PIK3R5: variants seen among roughly 807,000 people sequenced by gnomAD.
PIK3R5 encodes phosphoinositide 3-kinase regulatory subunit 5.
Under a neutral mutation model 94.9 loss-of-function variants are expected in PIK3R5, and 32 were observed. The ratio of observed to expected loss-of-function variants is 0.34; its 90% CI spans 0.25 to 0.45. The LOEUF is 0.45. Ranked by LOEUF, PIK3R5 falls within the 20% of genes least tolerant of loss-of-function variation. The probability of loss-of-function intolerance (pLI) is 1.00; values close to 1 mark genes in which losing one functional copy is unlikely to be tolerated. For missense variants in PIK3R5, 853 were observed against 1,144.6 expected (o/e 0.75, Z 3.68); for synonymous variants, 443 against 479.4 (o/e 0.92, Z 0.99).
intron 1 of PIK3R5, among the ~76,000 whole-genome samples, chr17:8,962,354 C>G (rs1044839128): frequency 2.0e-5 from 3 of 152,120 alleles, no homozygotes; most frequent in African/African-American, 7.2e-5. Flanking sequence ...GAATGGCAGG[C>G]CAGAACCATT....
intron 3 of PIK3R5, among the ~76,000 whole-genome samples, chr17:8,908,106 C>A (rs1234697882): frequency 6.6e-6 from 1 of 152,196 alleles, no homozygotes; most frequent in Non-Finnish European, 1.5e-5. Flanking sequence ...CATGTGCACA[C>A]CACATGATTT....
In PIK3R5 at chr17:8,904,615, T is replaced by C. The variant is rs1053651940; in HGVS notation, c.412+162A>G. 6.6e-6 allele frequency among the ~76,000 whole-genome samples: 1 copy of C among 152,178 alleles called. No homozygotes were observed. Among genetic ancestry groups the C allele is most frequent in the Non-Finnish European group, 1.5e-5 (1 of 68,022 alleles). ...GTGGATTCAACCATCAGATGCTTGA[T>C]GGTGCTGTGAAGAGGAGACTCCATG... On this transcript the variant is annotated intron_variant, in intron 5 of 18. Coordinates refer to ENST00000447110, the MANE Select transcript of PIK3R5 (RefSeq NM_001142633.3). The surrounding 1 kb of genome is among the most constrained non-coding windows in gnomAD (Gnocchi z 5.1).
intron 6 of PIK3R5, 132 bp from the exon 7 acceptor site, chr17:8,891,044 G>T: frequency 1.2e-6 from 1 of 829,184 alleles, no homozygotes; most frequent in Non-Finnish European, 1.9e-6. Context: ...AGAGCTCGAG[G>T]AGGTGACCAC....
intron 1 of PIK3R5, among the ~76,000 whole-genome samples, chr17:8,937,414 C>T (rs2091095458): frequency 6.6e-6 from 1 of 152,132 alleles, no homozygotes; most frequent in South Asian, 2.1e-4. Flanking sequence ...AGAAGTTCCT[C>T]TCTATTTCTA....
In PIK3R5 at chr17:8,911,788, G is replaced by GACCTGC; in HGVS notation, c.-13-282_-13-281insGCAGGT. The stretch of plus-strand genomic sequence containing the variant: ...GAATGGGAGCAGAGAGGTGGAAAGG[G>GACCTGC]CACTGGGCAGTGGGAAGTGTCGCCA... On this transcript the variant is annotated intron_variant, in intron 1 of 18. Transcript: ENST00000447110. This position sits in a 1 kb window ranked among gnomAD's most constrained non-coding sequence, Gnocchi z 5.3. 3.5e-6 allele frequency: 1 copy of GACCTGC among 286,302 alleles called. No homozygotes were observed. Among genetic ancestry groups the GACCTGC allele is most frequent in the Non-Finnish European group, 6.6e-6 (1 of 151,358 alleles). 17.7% of individuals were successfully genotyped at this position (286,302 alleles called of 1,614,324 possible). A position where few individuals can be genotyped will look rare whatever the true frequency, so the allele number is the denominator to read the frequency against.
rs577121928 is a variant in PIK3R5 at position 8,904,719 on chromosome 17, T to G, written c.412+58A>C. 31 of 1,571,254 alleles carry G rather than the reference T, an allele frequency of 2.0e-5. No individual in the cohort carries two copies. In the South Asian group the frequency reaches 3.3e-4, roughly 17 times the overall value. On this transcript the variant is annotated intron_variant, in intron 5 of 18. Transcript: ENST00000447110. The surrounding 1 kb of genome is among the most constrained non-coding windows in gnomAD (Gnocchi z 5.1). ...GTCACAAAAAACAGTTTCAGAGGAGTTGGAAGCATTCTGACCTTCTGAGCC... is the reference window on the plus strand; with the variant it reads ...GTCACAAAAAACAGTTTCAGAGGAGGTGGAAGCATTCTGACCTTCTGAGCC...
At position 8,884,980 on chromosome 17, in the gene PIK3R5, C is replaced by T. The variant is rs890236930; in HGVS notation, c.2129-197G>A. The T allele has an allele frequency of 6.7e-6, 4 of 593,562 alleles. No homozygotes were observed. In the African/African-American group the frequency reaches 7.4e-5, roughly 11 times the overall value. The allele number at this position is 593,562 out of a possible 1,614,324, so 36.8% of individuals were successfully genotyped here. A position where few individuals can be genotyped will look rare whatever the true frequency, so the allele number is the denominator to read the frequency against. On this transcript the variant is annotated intron_variant, in intron 14 of 18. Transcript: ENST00000447110. The surrounding 1 kb of genome is among the most constrained non-coding windows in gnomAD (Gnocchi z 5.8). ...GGGATCTCCACCTCCTCAGTGACCC[C>T]ATCACTCCAGGGCCCATCTCCGCTG...
intron 10 of PIK3R5, among the ~76,000 whole-genome samples, 195 bp downstream of exon 10, chr17:8,887,976 G>A (rs1438949967): frequency 4.1e-5 from 6 of 147,988 alleles, no homozygotes; most frequent in African/African-American, 7.5e-5. Flanking sequence ...ACTCCAGCCC[G>A]GGCAACAGAG....
chr17:8,959,492 C>T (rs1035165449), intron 1 of PIK3R5, among the ~76,000 whole-genome samples: 3 of 152,156 alleles, frequency 2.0e-5, no homozygotes, highest in Non-Finnish European at 4.4e-5. Context: ...GAGAGATGAT[C>T]TTTCGCTTTC....
intron 1 of PIK3R5, among the ~76,000 whole-genome samples, chr17:8,919,646 GT>G (rs2090694282): frequency 6.6e-6 from 1 of 152,188 alleles, no homozygotes; most frequent in African/African-American, 2.4e-5. Context: ...TCCGTGCCCA[GT>G]TTGCATTTGT....
intron 18 of PIK3R5, 36 bp from the exon 19 acceptor site, chr17:8,880,822 G>A (rs777596564): frequency 3.1e-6 from 5 of 1,612,762 alleles, no homozygotes; most frequent in Non-Finnish European, 3.4e-6. Context: ...ATCAGAGCAG[G>A]CCCCCATCCT....
chr17:8,928,927 G>T (rs1024834667), intron 1 of PIK3R5, among the ~76,000 whole-genome samples: 8 of 152,168 alleles, frequency 5.3e-5, no homozygotes, highest in Admixed American at 4.6e-4. Context: ...GTCTGATGTA[G>T]CATTAAATGT....
chr17:8,913,442 C>T (rs1220470625), intron 1 of PIK3R5, among the ~76,000 whole-genome samples: 1 of 152,212 alleles, frequency 6.6e-6, no homozygotes, highest in Admixed American at 6.5e-5. Context: ...TGCGGTGGCT[C>T]ATGCCCGTAA....
At chr17:8,946,032 G>C (rs1162771955) in intron 1 of PIK3R5, among the ~76,000 whole-genome samples, 3 of 152,124 alleles carry the variant, frequency 2.0e-5, no homozygotes, top group Non-Finnish European at 2.9e-5. Flanking sequence ...TCCCAGCTGA[G>C]ACCCCAGACA....
intron 1 of PIK3R5, among the ~76,000 whole-genome samples, chr17:8,952,938 C>G (rs528643871): frequency 6.6e-6 from 1 of 152,266 alleles, no homozygotes; most frequent in South Asian, 2.1e-4. Context: ...GCAACCCAAT[C>G]CCTTCAACAG....
rs2089674951 is a variant in PIK3R5 at position 8,881,905 on chromosome 17, C to A, written c.2206-24G>T. 1 of 1,588,912 alleles carries A rather than the reference C, an allele frequency of 6.3e-7. No homozygotes were observed. Among genetic ancestry groups the A allele is most frequent in the Admixed American group, 1.7e-5 (1 of 58,754 alleles). Reference sequence around the variant, plus strand: ...CCCTGGAAATGCAGTGTAGCCAGACCCTCTGAGTCCAGAGGCCCCGGTGCC... The same window carrying A: ...CCCTGGAAATGCAGTGTAGCCAGACACTCTGAGTCCAGAGGCCCCGGTGCC... On this transcript the variant is annotated intron_variant, in intron 15 of 18. Transcript: ENST00000447110. The surrounding 1 kb of genome is among the most constrained non-coding windows in gnomAD (Gnocchi z 4.8).
rs973186793 is a variant in PIK3R5, at chr17:8,909,646, C to T, written c.104-472G>A. ...AGAAGATGCTGGATCAACACTCAAC[C>T]CTACCATGCCCCATCAAGACATAAT... On this transcript the variant is annotated intron_variant, in intron 2 of 18. Transcript: ENST00000447110. The surrounding 1 kb of genome is among the most constrained non-coding windows in gnomAD (Gnocchi z 4.3). Among the ~76,000 whole-genome samples the T allele has an allele frequency of 1.3e-5, 2 of 152,200 alleles. No homozygotes were observed. Among genetic ancestry groups the T allele is most frequent in the African/African-American group, 2.4e-5 (1 of 41,466 alleles).
Position 8,957,997 on chromosome 17 carries a change from C to G in PIK3R5, c.-14+7599G>C, listed in dbSNP as rs1199244678. Among the ~76,000 whole-genome samples the G allele has an allele frequency of 3.3e-5, 5 of 152,242 alleles. No homozygotes were observed. In the East Asian group the frequency reaches 7.7e-4, roughly 24 times the overall value. On this transcript the variant is annotated intron_variant, in intron 1 of 18. Coordinates refer to ENST00000447110, the MANE Select transcript of PIK3R5 (RefSeq NM_001142633.3). ...CAGCACAGAAAAGGAAAATAGAGGT[C>G]AAATTCATTTCATGCAAAAATCCTA...
chr17:8,902,290 T>C (rs2090303338), intron 5 of PIK3R5, among the ~76,000 whole-genome samples: 1 of 142,420 alleles, frequency 7.0e-6, no homozygotes, highest in Non-Finnish European at 1.5e-5. Flanking sequence ...GGAGTCTCGC[T>C]TTGTCTGCAG....
Sources: gnomAD v4.1 joint callset for allele counts (sites outside exome capture counted in the v4.1 genomes callset) on GRCh38, gnomAD v4.1.1 for gene constraint, Gnocchi (gnomAD v3.1) non-coding constraint, MANE v1.5 for transcripts, NCBI Gene and HGNC (gene_info 2026-07-23, HGNC 2026-07-21) for gene names.